The following CCDC39 variants were observed in gnomAD, a reference collection of about 807,000 sequenced individuals.
CCDC39 encodes the protein coiled-coil domain-containing protein 39.
A neutral mutation model predicts 121.0 loss-of-function variants in CCDC39; 113 were observed. The observed-to-expected ratio is 0.93, with a 90% CI of 0.80 to 1.09. CCDC39 has a LOEUF of 1.09. Ranked by LOEUF, CCDC39 falls within the 50% of genes least tolerant of loss-of-function variation. The pLI, the probability that CCDC39 is intolerant of heterozygous loss-of-function variation, is 0.00. For missense variants in CCDC39, 1,063 were observed against 1,074.7 expected (o/e 0.99, Z 0.15); for synonymous variants, 349 against 352.2 (o/e 0.99, Z 0.10).
intron 11 of CCDC39, among the ~76,000 whole-genome samples, chr3:180,646,062 A>T (rs1718060494): frequency 6.6e-6 from 1 of 152,138 alleles, no homozygotes; most frequent in South Asian, 2.1e-4. Flanking sequence ...TAGTTCTCCC[A>T]AATGTCCTAA....
At chr3:180,641,297 A>G (rs141913161) in intron 13 of CCDC39, among the ~76,000 whole-genome samples, 2 of 152,244 alleles carry the variant, frequency 1.3e-5, no homozygotes, top group South Asian at 4.1e-4. Context: ...TATCTAAAAA[A>G]TAGAAATAAA....
chr3:180,628,871 T>C (rs1717626743), intron 14 of CCDC39, among the ~76,000 whole-genome samples: 1 of 152,118 alleles, frequency 6.6e-6, no homozygotes. Context: ...ATAAACATAA[T>C]ATATGTATCC....
Position 180,614,734 on chromosome 3 carries a change from A to T in CCDC39, c.*187T>A, listed in dbSNP as rs1040218655. On this transcript the variant is annotated 3_prime_UTR_variant, in exon 20 of 20. Coordinates refer to ENST00000476379, the MANE Select transcript of CCDC39 (RefSeq NM_181426.2). ...GTAGCCTTGTCAAGAATCTGCTATTAATTTCTTCAGTATGAAGAAAACAGT... is the reference window on the plus strand; with the variant it reads ...GTAGCCTTGTCAAGAATCTGCTATTTATTTCTTCAGTATGAAGAAAACAGT... 3.8e-6 allele frequency: 2 copies of T among 520,622 alleles called. No homozygotes were observed. The highest frequency in any genetic ancestry group is 3.9e-5 in the Admixed American group (1 of 25,848). The allele number at this position is 520,622 out of a possible 1,614,324, so 32.3% of individuals were successfully genotyped here.
intron 1 of CCDC39, among the ~76,000 whole-genome samples, chr3:180,668,357 C>T (rs1349900828): frequency 1.3e-5 from 2 of 151,872 alleles, no homozygotes; most frequent in Non-Finnish European, 2.9e-5. Context: ...CTAGCCTGCG[C>T]AAAAAAATGA....
At chr3:180,633,922 G>A (rs1429744872) in intron 13 of CCDC39, among the ~76,000 whole-genome samples, 1 of 152,130 alleles carries the variant, frequency 6.6e-6, no homozygotes, top group Non-Finnish European at 1.5e-5. Flanking sequence ...GGCCTGGAGT[G>A]TCCTGCAGAG....
At chr3:180,677,044 T>A (rs917786763) in intron 1 of CCDC39, among the ~76,000 whole-genome samples, 1 of 149,780 alleles carries the variant, frequency 6.7e-6, no homozygotes, top group African/African-American at 2.5e-5. Context: ...ATACCTAATG[T>A]AAATGATGAG....
At chr3:180,638,311 A>G (rs1717878299) in intron 13 of CCDC39, among the ~76,000 whole-genome samples, 1 of 152,150 alleles carries the variant, frequency 6.6e-6, no homozygotes, top group Non-Finnish European at 1.5e-5. Flanking sequence ...AATATGAAAC[A>G]ATGTTTTACA....
chr3:180,669,837 A>C (rs140081094), intron 1 of CCDC39, among the ~76,000 whole-genome samples: 6 of 152,184 alleles, frequency 3.9e-5, no homozygotes, highest in Non-Finnish European at 5.9e-5. Context: ...TTAAAAATGT[A>C]CACGTCACAA....
chr3:180,677,175 T>TATATATAC (rs1712252207), intron 1 of CCDC39, among the ~76,000 whole-genome samples: 1 of 42,778 alleles, frequency 2.3e-5, no homozygotes, highest in Non-Finnish European at 4.4e-5. Flanking sequence ...ATTTTATATA[T>TATATATAC]ATATATATAT....
At chr3:180,648,567 C>T (rs1379032633) in intron 9 of CCDC39, among the ~76,000 whole-genome samples, 1 of 152,104 alleles carries the variant, frequency 6.6e-6, no homozygotes, top group Non-Finnish European at 1.5e-5. Flanking sequence ...CTTTTACGCC[C>T]GTGTCATACA....
At chr3:180,646,982 T>G (rs1045912104) in intron 11 of CCDC39, 97 bp downstream of exon 11, 5 of 1,026,064 alleles carry the variant, frequency 4.9e-6, no homozygotes, top group Non-Finnish European at 7.3e-6. Context: ...GTGTGTAGAG[T>G]GGCAGTCACC....
chr3:180,655,902 T>A (rs546729760), intron 6 of CCDC39, among the ~76,000 whole-genome samples: 106 of 152,232 alleles, frequency 7.0e-4, no homozygotes, highest in African/African-American at 2.4e-3. Context: ...AGAAAAAAAA[T>A]TACCCTAATG....
At chr3:180,678,503 T>G (rs1712297238) in intron 1 of CCDC39, among the ~76,000 whole-genome samples, 1 of 152,024 alleles carries the variant, frequency 6.6e-6, no homozygotes, top group Admixed American at 6.6e-5. Flanking sequence ...CAATTTTTTA[T>G]TTTTTTATTT....
Position 180,678,000 on chromosome 3 carries a change from T to C in CCDC39, c.90+1291A>G. On this transcript the variant is annotated intron_variant, in intron 1 of 19. Coordinates refer to ENST00000476379, the MANE Select transcript of CCDC39 (RefSeq NM_181426.2). ...ACTTTTTTAAAAGAGCTAATATACTTAATATGTACATAAAAATCCTGTGTG... is the reference window on the plus strand; with the variant it reads ...ACTTTTTTAAAAGAGCTAATATACTCAATATGTACATAAAAATCCTGTGTG... Among the ~76,000 whole-genome samples, 4 of 152,336 alleles carry C rather than the reference T, an allele frequency of 2.6e-5. No homozygotes were observed. In the South Asian group the frequency reaches 8.3e-4, roughly 32 times the overall value.
At chr3:180,635,017 A>C (rs1717791610) in intron 13 of CCDC39, among the ~76,000 whole-genome samples, 1 of 152,200 alleles carries the variant, frequency 6.6e-6, no homozygotes, top group South Asian at 2.1e-4. Flanking sequence ...ATTTGCAATA[A>C]AAGAGATTTA....
At chr3:180,634,351 G>C (rs1560084698) in intron 13 of CCDC39, among the ~76,000 whole-genome samples, 1 of 152,148 alleles carries the variant, frequency 6.6e-6, no homozygotes, top group Admixed American at 6.5e-5. Flanking sequence ...CCCAAGGAGA[G>C]GAAGCCAGTC....
At chr3:180,652,685 A>G (rs954151280) in intron 7 of CCDC39, among the ~76,000 whole-genome samples, 1 of 152,164 alleles carries the variant, frequency 6.6e-6, no homozygotes. Context: ...ATAGTAAACT[A>G]TATTTTACTA....
At position 180,626,852 on chromosome 3, in the gene CCDC39, A is replaced by T. The variant is rs201347809; in HGVS notation, c.1998+4617T>A. ...TGGTCACCCCTCTCCCACCTTGGAC[A>T]GGTGGTAGTTGCAGTAGTGTTTCAA... is the stretch of plus-strand genomic sequence containing the variant. On this transcript the variant is annotated intron_variant, in intron 14 of 19. Coordinates refer to ENST00000476379, the MANE Select transcript of CCDC39 (RefSeq NM_181426.2). 1.5e-4 allele frequency among the ~76,000 whole-genome samples: 23 copies of T among 152,342 alleles called. No homozygotes were observed. The East Asian group carries it at 4.2e-3, about 28-fold the overall frequency.
intron 1 of CCDC39, among the ~76,000 whole-genome samples, chr3:180,675,895 A>T: frequency 6.9e-6 from 1 of 143,968 alleles, no homozygotes; most frequent in Non-Finnish European, 1.5e-5. Context: ...GAAATGGGGA[A>T]GGGATTCCCT....
Sources: gnomAD v4.1 joint callset for allele counts (sites outside exome capture counted in the v4.1 genomes callset) on GRCh38, gnomAD v4.1.1 for gene constraint, MANE v1.5 for transcripts, NCBI Gene and HGNC (gene_info 2026-07-23, HGNC 2026-07-21) for gene names.